Variants in DOCK10 observed in about 807,000 individuals in gnomAD.
The protein encoded by DOCK10 is dedicator of cytokinesis 10, also known as dedicator of cytokinesis protein 10.
Under a neutral mutation model 280.1 loss-of-function variants are expected in DOCK10, and 145 were observed. That is an observed-to-expected ratio of 0.52 (90% CI 0.45 to 0.59). DOCK10 has a LOEUF of 0.59. Among genes scored for constraint, DOCK10 ranks in the 20% least tolerant of loss-of-function variants. The probability of loss-of-function intolerance (pLI) is 0.00; values close to 1 mark genes in which losing one functional copy is unlikely to be tolerated. For synonymous variants in DOCK10, 915 were observed against 942.2 expected (o/e 0.97, Z 0.53); for missense variants, 2,368 against 2,651.7 (o/e 0.89, Z 2.35).
Position 224,874,347 on chromosome 2 carries a change from G to C in DOCK10, c.1020C>G (p.Tyr340Ter). ...TTACAGTATCTTCTGTTTCTGTGAG[G>C]TACTACAGAGAAAATTGTGTTAGTC... is the stretch of plus-strand genomic sequence containing the variant. ...ENNLHADFAK[Y>*]LTETEDTVKT... Residue 340 changes from tyrosine (Y) to a stop codon, truncating the protein, a stop_gained and splice_region_variant, in exon 10 of 56, where the codon TAC (tyrosine) becomes TAG (stop). Transcript: ENST00000258390. LOFTEE classifies it high-confidence loss of function. The C allele has an allele frequency of 1.2e-6, 2 of 1,608,080 alleles. No individual in the cohort carries two copies. Among genetic ancestry groups the C allele is most frequent in the Non-Finnish European group, 1.7e-6 (2 of 1,176,490 alleles).
chr2:224,891,612 A>G (rs917142539), intron 4 of DOCK10, among the ~76,000 whole-genome samples: 4 of 152,238 alleles, frequency 2.6e-5, no homozygotes, highest in Non-Finnish European at 5.9e-5. Context: ...AAAATAACTC[A>G]GAAGATATGA....
intron 19 of DOCK10, 85 bp from the exon 20 acceptor site, chr2:224,845,727 A>G: frequency 1.5e-6 from 2 of 1,353,732 alleles, no homozygotes; most frequent in Non-Finnish European, 2.0e-6. Flanking sequence ...TTTTTAAACA[A>G]TCTTTTTTTT....
Position 224,797,103 on chromosome 2 carries a change from G to T in DOCK10, c.4688C>A (p.Ser1563Ter). 6.2e-7 allele frequency: 1 copy of T among 1,613,284 alleles called. No homozygotes were observed. The highest frequency in any genetic ancestry group is 1.1e-5 in the South Asian group (1 of 90,920). The change falls in exon 43 of 56, where the codon TCA (serine) becomes TAA (stop). Residue 1563 changes from serine (S) to a stop codon, truncating the protein, a stop_gained. Coordinates refer to ENST00000258390, the MANE Select transcript of DOCK10 (RefSeq NM_014689.3). LOFTEE classifies it high-confidence loss of function. ...FFQGPADLCG[S>*]FCYEVLKCCN... Reference sequence around the variant, plus strand: ...GCATTTTAGGACTTCGTAACAGAATGATCCACAGAGGTCAGCAGGCCCTTG... The same window carrying T: ...GCATTTTAGGACTTCGTAACAGAATTATCCACAGAGGTCAGCAGGCCCTTG...
intron 55 of DOCK10, among the ~76,000 whole-genome samples, chr2:224,769,838 A>G (rs576026039): frequency 6.6e-6 from 1 of 151,942 alleles, no homozygotes; most frequent in African/African-American, 2.4e-5. Flanking sequence ...TCAACTGTGG[A>G]CTCCACATCA....
At chr2:224,855,071 A>ACACG (rs1441208442) in intron 15 of DOCK10, 29 bp from the exon 16 acceptor site, 10 of 991,546 alleles carry the variant, frequency 1.0e-5, no homozygotes, top group Middle Eastern at 2.1e-4. Context: ...AAGGACACAC[A>ACACG]CACACACACA....
chr2:224,979,603 A>G (rs907747221), intron 1 of DOCK10, among the ~76,000 whole-genome samples: 7 of 152,208 alleles, frequency 4.6e-5, no homozygotes, highest in Non-Finnish European at 1.0e-4. Context: ...TTCTTCCCAC[A>G]TTAGGGCCTT....
chr2:224,832,864 G>A (rs774932685), intron 26 of DOCK10, among the ~76,000 whole-genome samples: 45 of 152,166 alleles, frequency 3.0e-4, no homozygotes, highest in Admixed American at 1.7e-3. Context: ...GCCTGTTCAC[G>A]TCTGATGACA....
intron 1 of DOCK10, among the ~76,000 whole-genome samples, chr2:225,019,489 A>T (rs955239373): frequency 1.4e-4 from 21 of 147,552 alleles, no homozygotes; most frequent in African/African-American, 5.0e-4. Context: ...TCCTCAAGCC[A>T]ACCCTACTTT....
chr2:224,806,080 G>C (rs1194060829), intron 34 of DOCK10, 46 bp downstream of exon 34: 1 of 1,120,734 alleles, frequency 8.9e-7, no homozygotes. Context: ...ACAATGTAAA[G>C]GTGGATGAGT....
chr2:224,776,660 C>T (rs1389313218), intron 51 of DOCK10, among the ~76,000 whole-genome samples: 4 of 152,126 alleles, frequency 2.6e-5, no homozygotes, highest in Non-Finnish European at 5.9e-5. Context: ...TCTTCTGTAG[C>T]CCAATAGAAC....
At chr2:224,808,161 A>G in intron 31 of DOCK10, 75 bp from the exon 32 acceptor site, 1 of 1,333,842 alleles carries the variant, frequency 7.5e-7, no homozygotes, top group South Asian at 1.4e-5. Context: ...GATATACCAA[A>G]CAACTACCAT....
intron 48 of DOCK10, among the ~76,000 whole-genome samples, chr2:224,787,980 T>C (rs1232896439): frequency 1.3e-5 from 2 of 152,302 alleles, no homozygotes; most frequent in African/African-American, 2.4e-5. Flanking sequence ...GTGTTATAGA[T>C]GCACCTATAA....
At chr2:224,837,407 G>A (rs975818928) in intron 25 of DOCK10, among the ~76,000 whole-genome samples, 1 of 152,226 alleles carries the variant, frequency 6.6e-6, no homozygotes, top group East Asian at 1.9e-4. Flanking sequence ...GAAACACAGA[G>A]CATTCAACAA....
chr2:224,924,891 A>G (rs1244131207), intron 2 of DOCK10, among the ~76,000 whole-genome samples: 1 of 152,214 alleles, frequency 6.6e-6, no homozygotes, highest in East Asian at 1.9e-4. Context: ...CTGTTTAGAC[A>G]GAAACTAATA....
At chr2:224,986,431 C>T (rs974580062) in intron 1 of DOCK10, among the ~76,000 whole-genome samples, 1 of 151,990 alleles carries the variant, frequency 6.6e-6, no homozygotes, top group Non-Finnish European at 1.5e-5. Flanking sequence ...TATGGAAAGG[C>T]TAAGAGTTTA....
In DOCK10 at chr2:224,908,415, T is replaced by G. The variant is rs866529779; in HGVS notation, c.333+8280A>C. 2.6e-3 allele frequency among the ~76,000 whole-genome samples: 367 copies of G among 141,200 alleles called. 4 individuals are homozygous for G. The highest frequency in any genetic ancestry group is 9.3e-3 in the African/African-American group (352 of 37,942). 92.6% of individuals were successfully genotyped at this position (141,200 alleles called of 152,430 possible). On this transcript the variant is annotated intron_variant, in intron 3 of 55. Coordinates refer to ENST00000258390, the MANE Select transcript of DOCK10 (RefSeq NM_014689.3). ...GAAGACAGTACATAATCATCATCGT[T>G]TGTGTGTGTGTGTGTGTGTGTGTGT...
At chr2:224,781,571 A>G (rs957762812) in intron 50 of DOCK10, among the ~76,000 whole-genome samples, 1 of 152,244 alleles carries the variant, frequency 6.6e-6, no homozygotes, top group Non-Finnish European at 1.5e-5. Flanking sequence ...AAACAGGGAC[A>G]CAGAGTTATG....
At chr2:224,865,188 G>A (rs1697825054) in intron 11 of DOCK10, 101 bp from the exon 12 acceptor site, 1 of 1,149,648 alleles carries the variant, frequency 8.7e-7, no homozygotes. Context: ...TAAAATACAT[G>A]CAGCAGGCAA....
chr2:224,899,394 C>G (rs983000355), intron 3 of DOCK10, among the ~76,000 whole-genome samples: 1 of 152,116 alleles, frequency 6.6e-6, no homozygotes, highest in South Asian at 2.1e-4. Context: ...CGGAGTTGCT[C>G]TGGGTAGTGT....
Sources: gnomAD v4.1 joint callset for allele counts (sites outside exome capture counted in the v4.1 genomes callset) on GRCh38, gnomAD v4.1.1 for gene constraint, MANE v1.5 for transcripts, NCBI Gene and HGNC (gene_info 2026-07-23, HGNC 2026-07-21) for gene names.